The following NDRG2 variants were observed in gnomAD, a reference collection of about 807,000 sequenced individuals.
The protein encoded by NDRG2 is NDRG family member 2.
Under a neutral mutation model 58.2 loss-of-function variants are expected in NDRG2, and 34 were observed. The ratio of observed to expected loss-of-function variants is 0.58; its 90% CI spans 0.44 to 0.78. The LOEUF (loss-of-function observed/expected upper bound fraction) is 0.78. Ranked by LOEUF, NDRG2 falls within the 30% of genes least tolerant of loss-of-function variation. The probability of loss-of-function intolerance (pLI) is 0.00; values close to 1 mark genes in which losing one functional copy is unlikely to be tolerated. For synonymous variants in NDRG2, 187 were observed against 175.9 expected (o/e 1.06, Z -0.50); for missense variants, 434 against 471.2 (o/e 0.92, Z 0.73).
chr14:21,018,108 C>T lies in NDRG2; in HGVS notation c.898-70G>A, dbSNP rs1404889180. 3.4e-5 allele frequency: 54 copies of T among 1,598,786 alleles called. 1 individual carries two copies. The South Asian group carries it at 3.4e-4, about 10-fold the overall frequency. ...GAGGAAGAGCTGGAGCCTGAGGCTG[C>T]GGCACTGTGGGGCCGGGTGTGTGGC... is the stretch of plus-strand genomic sequence containing the variant. On this transcript the variant is annotated intron_variant, in intron 14 of 15. Transcript: ENST00000556147.
At chr14:21,031,063 G>A in intron 1 of NDRG2, 1 of 1,614,164 alleles carries the variant, frequency 6.2e-7, no homozygotes, top group Non-Finnish European at 8.5e-7. Flanking sequence ...AGGCAGTGAA[G>A]GAACTGGGCC....
intron 1 of NDRG2, chr14:21,035,719 G>A: frequency 2.2e-6 from 1 of 454,404 alleles, no homozygotes. Context: ...GGCACTTTCT[G>A]ACAGCACAAA....
intron 1 of NDRG2, among the ~76,000 whole-genome samples, chr14:21,054,879 T>C (rs2139142995): frequency 1.3e-5 from 2 of 152,280 alleles, no homozygotes; most frequent in South Asian, 4.2e-4. Context: ...AACCTAGAAC[T>C]GTACCGAGCA....
At chr14:21,060,284 A>T (rs983395202) in intron 1 of NDRG2, among the ~76,000 whole-genome samples, 4 of 151,608 alleles carry the variant, frequency 2.6e-5, no homozygotes, top group Admixed American at 1.3e-4. Flanking sequence ...ACACCATCTC[A>T]CCCCAAGCGT....
At chr14:21,049,698 T>C (rs1885378585) in intron 1 of NDRG2, among the ~76,000 whole-genome samples, 2 of 152,192 alleles carry the variant, frequency 1.3e-5, no homozygotes, top group South Asian at 2.1e-4. Flanking sequence ...ACTCGGGCTT[T>C]TTTGAACAAG....
chr14:21,043,519 C>T, intron 1 of NDRG2: 2 of 1,146,304 alleles, frequency 1.7e-6, no homozygotes, highest in Non-Finnish European at 2.5e-6. Flanking sequence ...CAGGACTCCG[C>T]ACCACTCCCC....
intron 1 of NDRG2, chr14:21,043,027 T>C: frequency 6.2e-7 from 1 of 1,614,140 alleles, no homozygotes; most frequent in Non-Finnish European, 8.5e-7. Context: ...TGCCCCCTTC[T>C]GCTGCTTCTG....
intron 1 of NDRG2, chr14:21,036,206 C>T (rs1358814431): frequency 8.8e-6 from 4 of 456,196 alleles, no homozygotes; most frequent in Non-Finnish European, 1.8e-5. Context: ...GCTCTCGTCT[C>T]GCCTGGACAG....
chr14:21,034,277 AGCT>A, intron 1 of NDRG2: 1 of 1,610,428 alleles, frequency 6.2e-7, no homozygotes, highest in Non-Finnish European at 8.5e-7. Context: ...GCCGGGTCAC[AGCT>A]GGTGCCATTC....
chr14:21,056,563 T>A lies in NDRG2; in HGVS notation c.24+14265A>T, dbSNP rs529071910. Among the ~76,000 whole-genome samples the A allele has an allele frequency of 1.2e-3, 183 of 152,354 alleles. 1 individual carries two copies. The highest frequency in any genetic ancestry group is 2.1e-3 in the Non-Finnish European group (143 of 68,036). ...GAAAGTGTAAAAGAATTCACCTTCT[T>A]GCTCTAAGAGGAGACTTTCTCTTAA... On this transcript the variant is annotated intron_variant, in intron 1 of 14. Coordinates refer to the NDRG2 transcript ENST00000403829.
Position 21,043,239 on chromosome 14 carries a change from T to G in NDRG2, c.25-19918A>C. Reference sequence around the variant, plus strand: ...GCCTTTCTCCAGTGTGGCCGCCACCTGCCAGACCCCCAAAATAGCCTGCAA... The same window carrying G: ...GCCTTTCTCCAGTGTGGCCGCCACCGGCCAGACCCCCAAAATAGCCTGCAA... On this transcript the variant is annotated intron_variant, in intron 1 of 14. Coordinates refer to the NDRG2 transcript ENST00000403829. The G allele has an allele frequency of 1.9e-6, 3 of 1,614,192 alleles. No individual in the cohort carries two copies. In the South Asian group the frequency reaches 3.3e-5, roughly 18 times the overall value.
chr14:21,026,182 T>A (rs1883596623), upstream of NDRG2, among the ~76,000 whole-genome samples: 1 of 151,760 alleles, frequency 6.6e-6, no homozygotes, highest in Non-Finnish European at 1.5e-5. Context: ...TGGAATGAGC[T>A]CTCCTTGTGC....
chr14:21,025,312 T>C (rs923599441), upstream of NDRG2: 93 of 945,810 alleles, frequency 9.8e-5, no homozygotes, highest in Middle Eastern at 1.1e-3. The surrounding 1 kb of genome is among the most constrained non-coding windows in gnomAD (Gnocchi z 5.1). Flanking sequence ...CCTCCCCGCA[T>C]TGGGGCGGTG....
intron 1 of NDRG2, among the ~76,000 whole-genome samples, chr14:21,059,485 G>GTTT (rs60728641): frequency 1.1e-4 from 17 of 150,574 alleles, no homozygotes; most frequent in African/African-American, 4.2e-4. Flanking sequence ...GTTTTTTTGG[G>GTTT]TTTTTTTTTT....
rs1305728476 is a variant in NDRG2, at chr14:21,024,359, C to G, written c.-336G>C. 1.0e-6 allele frequency: 1 copy of G among 957,900 alleles called. No homozygotes were observed. The highest frequency in any genetic ancestry group is 1.2e-6 in the Non-Finnish European group (1 of 805,036). 59.3% of individuals were successfully genotyped at this position (957,900 alleles called of 1,614,324 possible). A position where few individuals can be genotyped will look rare whatever the true frequency, so the allele number is the denominator to read the frequency against. On this transcript the variant is annotated 5_prime_UTR_variant, in exon 1 of 16. Coordinates refer to ENST00000556147, the MANE Select transcript of NDRG2 (RefSeq NM_001320329.2). The stretch of plus-strand genomic sequence containing the variant: ...CTGATGTGGAGGTAAGAGGGTGGCC[C>G]TGTCAGAACCTCCGGATTCGAATCC...
chr14:21,036,495 AT>A (rs1225493680), intron 1 of NDRG2, among the ~76,000 whole-genome samples: 1 of 152,170 alleles, frequency 6.6e-6, no homozygotes, highest in Non-Finnish European at 1.5e-5. Flanking sequence ...GTTGGGCTGC[AT>A]TCAAAGCCAT....
chr14:21,030,765 A>C, upstream of NDRG2: 1 of 1,612,360 alleles, frequency 6.2e-7, no homozygotes, highest in Non-Finnish European at 8.5e-7. Flanking sequence ...GTGAGGAGCC[A>C]AAAATATGGA....
intron 1 of NDRG2, among the ~76,000 whole-genome samples, chr14:21,051,440 C>T (rs10146416): frequency 0.65 from 98,499 of 151,976 alleles, 34,477 homozygotes; most frequent in Admixed American, 0.77. Context: ...TCAGAGGTCT[C>T]AGGAGGGCAG....
chr14:21,023,442 A>G, intron 1 of NDRG2, 121 bp from the exon 2 acceptor site: 1 of 832,770 alleles, frequency 1.2e-6, no homozygotes. Flanking sequence ...GGGGTTGAAG[A>G]CTACTCTAGA....
Sources: gnomAD v4.1 joint callset for allele counts (sites outside exome capture counted in the v4.1 genomes callset) on GRCh38, gnomAD v4.1.1 for gene constraint, Gnocchi (gnomAD v3.1) non-coding constraint, MANE v1.5 for transcripts, NCBI Gene and HGNC (gene_info 2026-07-23, HGNC 2026-07-21) for gene names.